The following LRRC7 variants were observed in gnomAD, a reference collection of about 807,000 sequenced individuals.
The protein encoded by LRRC7 is leucine-rich repeat-containing protein 7.
Under a neutral mutation model 175.7 loss-of-function variants are expected in LRRC7, and 23 were observed. That is an observed-to-expected ratio of 0.13 (90% CI 0.09 to 0.19). LRRC7 has a LOEUF of 0.19. LRRC7 is among the 10% of genes least tolerant of loss of function. LRRC7 has a pLI of 1.00. For synonymous variants in LRRC7, 685 were observed against 680.9 expected, an observed-to-expected ratio of 1.01 and a Z score of -0.09; for missense variants, 1,354 against 1,904.7, an observed-to-expected ratio of 0.71 and a Z score of 5.38.
At chr1:70,012,811 A>G (rs566294939) in intron 12 of LRRC7, among the ~76,000 whole-genome samples, 163 bp from the exon 13 acceptor site, 134 of 151,192 alleles carry the variant, frequency 8.9e-4, no homozygotes, top group African/African-American at 3.1e-3. Context: ...AATATATATA[A>G]TATACCTATA....
In LRRC7 at chr1:70,133,981, T is replaced by G. The variant is rs990951766; in HGVS notation, c.*12094T>G. On this transcript the variant is annotated 3_prime_UTR_variant, in exon 27 of 27. Transcript: ENST00000651989. ...TGTGGTTAAGTTTGCCTAGCCTTCTTTATGTAATTCTAAAACTAGTCCAAT... is the reference window on the plus strand; with the variant it reads ...TGTGGTTAAGTTTGCCTAGCCTTCTGTATGTAATTCTAAAACTAGTCCAAT... Among the ~76,000 whole-genome samples the G allele has an allele frequency of 1.3e-5, 2 of 152,210 alleles. No individual in the cohort carries two copies. Among genetic ancestry groups the G allele is most frequent in the Admixed American group, 1.3e-4 (2 of 15,282 alleles).
intron 2 of LRRC7, among the ~76,000 whole-genome samples, chr1:69,680,584 C>T (rs1348759827): frequency 6.6e-6 from 1 of 151,440 alleles, no homozygotes; most frequent in Non-Finnish European, 1.5e-5. Context: ...TTTTCTCTTG[C>T]ATAGAGGTCT....
chr1:69,926,622 G>T (rs1469755621), intron 7 of LRRC7, among the ~76,000 whole-genome samples: 1 of 150,926 alleles, frequency 6.6e-6, no homozygotes, highest in African/African-American at 2.4e-5. Flanking sequence ...CAGAGACTAG[G>T]ATTGCAACCC....
chr1:70,107,649 T>C, intron 25 of LRRC7, 103 bp from the exon 26 acceptor site: 1 of 810,262 alleles, frequency 1.2e-6, no homozygotes, highest in Non-Finnish European at 2.1e-6. Context: ...GCATAAACTG[T>C]TTCTGGATCT....
At chr1:70,068,438 C>A (rs1248868701) in intron 23 of LRRC7, among the ~76,000 whole-genome samples, 4 of 152,084 alleles carry the variant, frequency 2.6e-5, no homozygotes, top group Non-Finnish European at 5.9e-5. Context: ...CTTTGTATCA[C>A]TAGAATAAAC....
intron 2 of LRRC7, among the ~76,000 whole-genome samples, chr1:69,759,657 A>G (rs7523521): frequency 0.19 from 28,901 of 151,980 alleles, 2,965 homozygotes; most frequent in African/African-American, 0.26. Context: ...CTCCACTAGA[A>G]CAGTGCCTAA....
chr1:69,981,104 G>A (rs1187341602), intron 9 of LRRC7, among the ~76,000 whole-genome samples: 1 of 151,954 alleles, frequency 6.6e-6, no homozygotes, highest in African/African-American at 2.4e-5. Context: ...GCTGCCCCTT[G>A]CCACTTGCAT....
chr1:70,023,135 T>C lies in LRRC7; in HGVS notation c.1555T>C (p.Cys519Arg), dbSNP rs201467999. Reference protein sequence around the residue: ...ENAGKVKDLSCQAPWERGQRG... With the variant: ...ENAGKVKDLSRQAPWERGQRG... ...ATTCCTTCTCCCACAGGATCTCTCC[T>C]GCCAAGCCCCCTGGGAAAGGGGCCA... The change falls in exon 17 of 27, where the codon TGC becomes CGC. Residue 519 changes from cysteine (C) to arginine (R), a missense_variant. Cys to Arg is a radical substitution (Grantham distance 180). Transcript: ENST00000651989. 2 of 1,423,912 alleles carry C rather than the reference T, an allele frequency of 1.4e-6. No homozygotes were observed. Among genetic ancestry groups the C allele is most frequent in the Admixed American group, 2.2e-5 (1 of 45,436 alleles). The allele number at this position is 1,423,912 out of a possible 1,614,324, so 88.2% of individuals were successfully genotyped here. A position where few individuals can be genotyped will look rare whatever the true frequency, so the allele number is the denominator to read the frequency against.
intron 1 of LRRC7, among the ~76,000 whole-genome samples, chr1:69,578,524 A>G (rs1156277965): frequency 2.0e-5 from 3 of 148,280 alleles, no homozygotes; most frequent in Non-Finnish European, 4.5e-5. Flanking sequence ...TCACAATAGC[A>G]AAGACTTGGA....
chr1:70,046,692 G>A (rs1190813045), intron 22 of LRRC7, among the ~76,000 whole-genome samples: 3 of 152,068 alleles, frequency 2.0e-5, no homozygotes, highest in South Asian at 2.1e-4. Context: ...ACCTTATCAG[G>A]CACTGGATAG....
rs1271028905 is a variant in LRRC7, at chr1:70,134,572, T to A, written c.*12685T>A. On this transcript the variant is annotated 3_prime_UTR_variant, in exon 27 of 27. Coordinates refer to ENST00000651989, the MANE Select transcript of LRRC7 (RefSeq NM_001370785.2). ...GAGCAAAGGTAGAGGGAAGACAAGG[T>A]GTTCTTTCCCAAAGTTTATGTGAAG... Among the ~76,000 whole-genome samples the A allele has an allele frequency of 6.6e-6, 1 of 152,134 alleles. No individual in the cohort carries two copies. Among genetic ancestry groups the A allele is most frequent in the African/African-American group, 2.4e-5 (1 of 41,414 alleles).
chr1:69,862,838 C>T (rs1016867435), intron 7 of LRRC7, among the ~76,000 whole-genome samples: 84 of 152,172 alleles, frequency 5.5e-4, no homozygotes, highest in African/African-American at 2.0e-3. Flanking sequence ...CCCCCACCCC[C>T]AAACAAGCCC....
chr1:69,705,521 G>C (rs1663928172), intron 2 of LRRC7, among the ~76,000 whole-genome samples: 1 of 152,130 alleles, frequency 6.6e-6, no homozygotes. Context: ...ACACACAGAT[G>C]AGGGTTATCT....
chr1:69,731,427 C>T (rs1015563080), intron 2 of LRRC7, among the ~76,000 whole-genome samples: 4 of 152,100 alleles, frequency 2.6e-5, no homozygotes, highest in Non-Finnish European at 5.9e-5. Flanking sequence ...ATGGGAACTA[C>T]AATTCAAGAT....
intron 8 of LRRC7, among the ~76,000 whole-genome samples, chr1:69,950,527 T>A (rs1187832597): frequency 6.6e-6 from 1 of 152,134 alleles, no homozygotes; most frequent in Non-Finnish European, 1.5e-5. Context: ...ATCCTATGAA[T>A]GACAAATAGT....
intron 2 of LRRC7, among the ~76,000 whole-genome samples, chr1:69,721,753 A>G (rs1666374377): frequency 6.6e-6 from 1 of 151,850 alleles, no homozygotes; most frequent in Non-Finnish European, 1.5e-5. Flanking sequence ...ATCTATCATT[A>G]TTTACTTACA....
intron 1 of LRRC7, among the ~76,000 whole-genome samples, chr1:69,593,101 G>A (rs1015114546): frequency 4.6e-5 from 7 of 151,912 alleles, no homozygotes; most frequent in Non-Finnish European, 8.8e-5. Context: ...CTGTATATAG[G>A]TTTTTCAGAG....
intron 22 of LRRC7, among the ~76,000 whole-genome samples, chr1:70,052,779 A>T (rs1269206069): frequency 6.6e-6 from 1 of 152,044 alleles, no homozygotes; most frequent in Non-Finnish European, 1.5e-5. Flanking sequence ...AATAATCTAA[A>T]TTTTTCCTTA....
At chr1:69,966,986 G>T (rs1234864128) in intron 8 of LRRC7, among the ~76,000 whole-genome samples, 1 of 152,186 alleles carries the variant, frequency 6.6e-6, no homozygotes, top group African/African-American at 2.4e-5. Context: ...AATCTGGTGT[G>T]CAGACTCCAC....
Sources: allele counts gnomAD v4.1 joint callset (sites outside exome capture counted in the v4.1 genomes callset), GRCh38; gene constraint gnomAD v4.1.1; transcripts MANE v1.5; gene names NCBI Gene and HGNC (gene_info 2026-07-23, HGNC 2026-07-21).